The following CORIN variants were observed in gnomAD, a reference collection of about 807,000 sequenced individuals.
CORIN encodes the protein corin, serine peptidase.
A neutral mutation model predicts 125.3 loss-of-function variants in CORIN; 117 were observed. That is an observed-to-expected ratio of 0.93 (90% confidence interval 0.80 to 1.09). The LOEUF is 1.09. Ranked by LOEUF, CORIN falls within the 50% of genes least tolerant of loss-of-function variation. The pLI is 0.00. For synonymous variants in CORIN, 450 were observed against 466.4 expected (o/e 0.96, Z 0.45); for missense variants, 1,253 against 1,306.7 (o/e 0.96, Z 0.63).
chr4:47,674,374 T>C lies in CORIN; in HGVS notation c.1357+19A>G, dbSNP rs1724914352. On this transcript the variant is annotated intron_variant, in intron 10 of 21. Coordinates refer to ENST00000273857, the MANE Select transcript of CORIN (RefSeq NM_006587.4). The stretch of plus-strand genomic sequence containing the variant: ...CATGCCCTGACATGGCTATTGCATT[T>C]GTCAGCTGTTGTACTTACTACAGTT... 4 of 1,509,214 alleles carry C rather than the reference T, an allele frequency of 2.7e-6. No individual in the cohort carries two copies. Among genetic ancestry groups the C allele is most frequent in the Non-Finnish European group, 3.7e-6 (4 of 1,084,662 alleles). The allele number at this position is 1,509,214 out of a possible 1,614,324, so 93.5% of individuals were successfully genotyped here. A position where few individuals can be genotyped will look rare whatever the true frequency, so the allele number is the denominator to read the frequency against.
intron 2 of CORIN, among the ~76,000 whole-genome samples, chr4:47,787,992 C>T (rs537943214): frequency 6.6e-6 from 1 of 152,306 alleles, no homozygotes; most frequent in East Asian, 1.9e-4. Context: ...TATTGAAAAC[C>T]ACCTTGCTTT....
At chr4:47,628,390 T>C (rs570550060) in intron 16 of CORIN, among the ~76,000 whole-genome samples, 1 of 152,110 alleles carries the variant, frequency 6.6e-6, no homozygotes, top group South Asian at 2.1e-4. Context: ...CCTTGTGAAA[T>C]GGCTACCACA....
Position 47,595,797 on chromosome 4 carries a change from C to A in CORIN, c.3053G>T (p.Gly1018Val), listed in dbSNP as rs769150484. 7 of 1,613,668 alleles carry A rather than the reference C, an allele frequency of 4.3e-6. No individual in the cohort carries two copies. Among genetic ancestry groups the A allele is most frequent in the Non-Finnish European group, 5.9e-6 (7 of 1,179,742 alleles). ...GAAATATGACACATTACTATAAACG[C>A]CAGGCCCCAGGACTTTGGAAAAGCA... ...SVCFSKVLGP[G>V]VYSNVSYFVE... The change falls in exon 22 of 22, where the codon GGC (glycine) becomes GTC (valine). Residue 1018 changes from glycine to valine, a missense_variant. Physicochemically the swap from Gly to Val is moderately radical, Grantham distance 109 (BLOSUM62 -3). Transcript: ENST00000273857.
intron 13 of CORIN, among the ~76,000 whole-genome samples, chr4:47,649,212 G>A (rs1723624768): frequency 6.6e-6 from 1 of 152,224 alleles, no homozygotes; most frequent in South Asian, 2.1e-4. Context: ...GAGGCAGGAT[G>A]AAGGAATGGA....
At chr4:47,620,102 T>C (rs1252741283) in intron 19 of CORIN, among the ~76,000 whole-genome samples, 1 of 152,204 alleles carries the variant, frequency 6.6e-6, no homozygotes, top group Middle Eastern at 3.2e-3. Flanking sequence ...TATCACACTG[T>C]AATCTAATTA....
At chr4:47,707,921 C>G (rs571468273) in intron 5 of CORIN, among the ~76,000 whole-genome samples, 2 of 152,302 alleles carry the variant, frequency 1.3e-5, no homozygotes, top group Admixed American at 1.3e-4. Context: ...TTATCTGGTG[C>G]TTTCTCTTCA....
intron 10 of CORIN, among the ~76,000 whole-genome samples, chr4:47,670,265 T>C (rs536671922): frequency 1.1e-4 from 17 of 152,256 alleles, no homozygotes; most frequent in Non-Finnish European, 2.2e-4. Context: ...ATGCTCCATG[T>C]CTTCATTCAT....
At chr4:47,626,271 T>C (rs776036849) in intron 17 of CORIN, 134 bp downstream of exon 17, 10 of 640,512 alleles carry the variant, frequency 1.6e-5, no homozygotes, top group Non-Finnish European at 2.8e-5. Context: ...GTAAAGGCAA[T>C]AGTAAATCTA....
intron 13 of CORIN, among the ~76,000 whole-genome samples, chr4:47,649,083 G>A (rs1171247518): frequency 1.3e-5 from 2 of 152,222 alleles, no homozygotes; most frequent in Non-Finnish European, 2.9e-5. Context: ...AGGCCATCCA[G>A]CCACCATCCA....
intron 8 of CORIN, chr4:47,679,493 A>T (rs1259564293): frequency 6.6e-6 from 1 of 152,108 alleles, no homozygotes; most frequent in African/African-American, 2.4e-5. Flanking sequence ...CCTCCTGAGT[A>T]GCTGGGACTA....
intron 1 of CORIN, among the ~76,000 whole-genome samples, chr4:47,829,861 G>T (rs185093253): frequency 1.2e-3 from 178 of 152,218 alleles, no homozygotes; most frequent in Non-Finnish European, 2.0e-3. Context: ...ATTGAAAAAG[G>T]CCCTGAAAGA....
intron 6 of CORIN, among the ~76,000 whole-genome samples, chr4:47,690,402 A>C (rs529178665): frequency 6.6e-6 from 1 of 152,358 alleles, no homozygotes; most frequent in East Asian, 1.9e-4. Context: ...AATTAAATCA[A>C]AGCATGTAGG....
At chr4:47,723,604 C>A (rs765858258) in intron 5 of CORIN, among the ~76,000 whole-genome samples, 21 of 152,150 alleles carry the variant, frequency 1.4e-4, no homozygotes, top group Non-Finnish European at 2.4e-4. Context: ...AACAAACACA[C>A]AAACAAAATT....
intron 2 of CORIN, among the ~76,000 whole-genome samples, chr4:47,804,833 A>C (rs1316219990): frequency 6.6e-6 from 1 of 152,022 alleles, no homozygotes; most frequent in East Asian, 1.9e-4. Flanking sequence ...TAGTAAATAG[A>C]AGTTTAATTG....
intron 9 of CORIN, among the ~76,000 whole-genome samples, chr4:47,675,516 G>A (rs970514105): frequency 1.6e-4 from 24 of 151,864 alleles, no homozygotes; most frequent in African/African-American, 5.3e-4. Flanking sequence ...GTGAGTTTAG[G>A]CTCTTGAGGA....
chr4:47,718,708 C>T (rs1430698270), intron 5 of CORIN, among the ~76,000 whole-genome samples: 3 of 152,200 alleles, frequency 2.0e-5, no homozygotes, highest in Admixed American at 2.0e-4. Flanking sequence ...TCATGCAACT[C>T]CCTTCCAATT....
chr4:47,678,107 T>A, intron 8 of CORIN, 53 bp from the exon 9 acceptor site: 1 of 1,251,974 alleles, frequency 8.0e-7, no homozygotes, highest in Non-Finnish European at 1.2e-6. Context: ...TCTCTCTCAA[T>A]CTGCACATCA....
intron 10 of CORIN, among the ~76,000 whole-genome samples, chr4:47,666,758 T>C (rs28584355): frequency 0.14 from 20,874 of 152,184 alleles, 1,877 homozygotes; most frequent in East Asian, 0.44. Context: ...GGAAGCAGCC[T>C]GTTACCAGAG....
rs112627121 is a variant in CORIN at position 47,638,920 on chromosome 4, T to C, written c.2198+3000A>G. 1.1e-3 allele frequency among the ~76,000 whole-genome samples: 162 copies of C among 152,290 alleles called. 1 individual carries two copies. Among genetic ancestry groups the C allele is most frequent in the African/African-American group, 3.9e-3 (162 of 41,568 alleles). On this transcript the variant is annotated intron_variant, in intron 16 of 21. Transcript: ENST00000273857. ...TCTTCTCATCTAGACAAGCACTGAGTTGAGAGCCTAGCATTTGAGCAGCAA... is the reference window on the plus strand; with the variant it reads ...TCTTCTCATCTAGACAAGCACTGAGCTGAGAGCCTAGCATTTGAGCAGCAA...
Sources: gnomAD v4.1 joint callset for allele counts (sites outside exome capture counted in the v4.1 genomes callset) on GRCh38, gnomAD v4.1.1 for gene constraint, MANE v1.5 for transcripts, NCBI Gene and HGNC (gene_info 2026-07-23, HGNC 2026-07-21) for gene names.